The following CDK2AP1 variants were observed in gnomAD, a reference collection of about 807,000 sequenced individuals.
CDK2AP1 encodes the protein cyclin dependent kinase 2 associated protein 1, also known as cyclin-dependent kinase 2-associated protein 1.
A neutral mutation model predicts 14.1 loss-of-function variants in CDK2AP1; 10 were observed. That is an observed-to-expected ratio of 0.71 (90% CI 0.44 to 1.20). The LOEUF is 1.20. Among genes scored for constraint, CDK2AP1 ranks in the 50% most tolerant of loss-of-function variants. The pLI, the probability that CDK2AP1 is intolerant of heterozygous loss-of-function variation, is 0.00. For synonymous variants in CDK2AP1, 59 were observed against 59.8 expected (o/e 0.99, Z 0.06); for missense variants, 102 against 149.9 (o/e 0.68, Z 1.67).
At chr12:123,268,214 C>T (rs931867967) in intron 1 of CDK2AP1, 7 of 985,466 alleles carry the variant, frequency 7.1e-6, no homozygotes, top group Admixed American at 1.2e-4. Context: ...CAGAGCCACA[C>T]GGTCTCTCTC....
At chr12:123,270,263 TG>T (rs1458084346) in intron 1 of CDK2AP1, 1 of 903,464 alleles carries the variant, frequency 1.1e-6, no homozygotes, top group East Asian at 1.2e-4. Flanking sequence ...GTTTGCTCTT[TG>T]GGACTCCGAG....
At chr12:123,271,026 C>T in intron 1 of CDK2AP1, 1 of 882,214 alleles carries the variant, frequency 1.1e-6, no homozygotes, top group Non-Finnish European at 1.3e-6. Context: ...CCTCAGGGCC[C>T]CCGGCAGCCC....
rs2048276161 is a variant in CDK2AP1 at position 123,265,081 on chromosome 12, GC to G, written c.280+114del. On this transcript the variant is annotated intron_variant, in intron 3 of 3. Transcript: ENST00000261692. This position sits in a 1 kb window ranked among gnomAD's most constrained non-coding sequence, Gnocchi z 5.3. ...ACGGCAACTCTGTAACAAGACAGGA[GC>G]TCCCATGAGTGAGCCTCATCCCTAG... 6.5e-6 allele frequency: 9 copies of G among 1,392,884 alleles called. No individual in the cohort carries two copies. The highest frequency in any genetic ancestry group is 9.0e-6 in the Non-Finnish European group (9 of 1,005,404). 86.3% of individuals were successfully genotyped at this position (1,392,884 alleles called of 1,614,324 possible).
At chr12:123,264,379 G>A (rs908300380) in intron 3 of CDK2AP1, among the ~76,000 whole-genome samples, 2 of 145,674 alleles carry the variant, frequency 1.4e-5, no homozygotes, top group African/African-American at 2.6e-5. Flanking sequence ...AGAATCGCTT[G>A]AACCCAGGAG....
Sources: allele counts gnomAD v4.1 joint callset (sites outside exome capture counted in the v4.1 genomes callset), GRCh38; gene constraint gnomAD v4.1.1; non-coding constraint Gnocchi (gnomAD v3.1); transcripts MANE v1.5; gene names NCBI Gene and HGNC (gene_info 2026-07-23, HGNC 2026-07-21).